Variants in CNTN4 observed in about 807,000 individuals in gnomAD.
The protein encoded by CNTN4 is contactin 4, also known as contactin-4.
A neutral mutation model predicts 122.5 loss-of-function variants in CNTN4; 77 were observed. That is an observed-to-expected ratio of 0.63 (90% confidence interval 0.52 to 0.76). The LOEUF is 0.76. CNTN4 is among the 30% of genes least tolerant of loss of function. CNTN4 has a pLI of 0.00. For synonymous variants in CNTN4, 512 were observed against 447.0 expected (o/e 1.15, Z -1.83); for missense variants, 1,256 against 1,259.1 (o/e 1.00, Z 0.04).
chr3:2,212,476 C>T (rs930993075), intron 2 of CNTN4, among the ~76,000 whole-genome samples: 5 of 152,122 alleles, frequency 3.3e-5, no homozygotes, highest in African/African-American at 1.2e-4. Context: ...TCTTACATGA[C>T]ACCGGGCAAG....
At chr3:2,480,097 AAGAAT>A (rs2075947908) in intron 3 of CNTN4, among the ~76,000 whole-genome samples, 1 of 151,948 alleles carries the variant, frequency 6.6e-6, no homozygotes, top group Non-Finnish European at 1.5e-5. Flanking sequence ...TCTGCAAACT[AAGAAT>A]AGAGAAGCGC....
At chr3:2,372,424 A>T (rs1275375122) in intron 3 of CNTN4, among the ~76,000 whole-genome samples, 1 of 152,244 alleles carries the variant, frequency 6.6e-6, no homozygotes, top group Non-Finnish European at 1.5e-5. Context: ...TGTTTACCAT[A>T]GGATGTGACA....
chr3:2,630,621 A>G (rs892608072), intron 4 of CNTN4, among the ~76,000 whole-genome samples: 2 of 152,090 alleles, frequency 1.3e-5, no homozygotes, highest in Non-Finnish European at 2.9e-5. Flanking sequence ...ATAACTTAAT[A>G]TTGTTAAATC....
intron 2 of CNTN4, among the ~76,000 whole-genome samples, chr3:2,105,073 C>T (rs1253431431): frequency 6.6e-6 from 1 of 152,118 alleles, no homozygotes; most frequent in Non-Finnish European, 1.5e-5. Flanking sequence ...CAGTGAGAAC[C>T]ACTGCAGTGA....
At chr3:2,811,761 T>G (rs1576888202) in intron 6 of CNTN4, among the ~76,000 whole-genome samples, 1 of 151,924 alleles carries the variant, frequency 6.6e-6, no homozygotes, top group African/African-American at 2.4e-5. Flanking sequence ...GCCTCCCAGG[T>G]TCAAGCAATT....
chr3:2,452,467 A>C lies in CNTN4; in HGVS notation c.-89+113234A>C, dbSNP rs925994433. ...TATTTGGGAAGGGACTTAGTCTGGC[A>C]TGATTAGAGCCTAGTAATTACAAAA... On this transcript the variant is annotated intron_variant, in intron 3 of 24. Transcript: ENST00000418658. Among the ~76,000 whole-genome samples, 3 of 152,266 alleles carry C rather than the reference A, an allele frequency of 2.0e-5. No homozygotes were observed. In the East Asian group the frequency reaches 5.8e-4, roughly 29 times the overall value.
At chr3:2,605,155 C>T (rs1401431836) in intron 4 of CNTN4, among the ~76,000 whole-genome samples, 1 of 152,210 alleles carries the variant, frequency 6.6e-6, no homozygotes, top group Admixed American at 6.5e-5. Flanking sequence ...CAGGCATGCA[C>T]ACCATGCCTG....
At chr3:2,529,636 A>T (rs74533879) in intron 3 of CNTN4, among the ~76,000 whole-genome samples, 4,244 of 152,276 alleles carry the variant, frequency 0.028, 95 homozygotes, top group Non-Finnish European at 0.039. Flanking sequence ...GAGAGGAGAC[A>T]TTGTTGGTTT....
intron 6 of CNTN4, among the ~76,000 whole-genome samples, chr3:2,813,508 T>C (rs2092660564): frequency 6.6e-6 from 1 of 152,224 alleles, no homozygotes; most frequent in Non-Finnish European, 1.5e-5. Flanking sequence ...TCTCTGTGGA[T>C]TCTTAACAAA....
In CNTN4 at chr3:2,204,918, T is replaced by A. The variant is rs2038270973; in HGVS notation, c.-145+104279T>A. On this transcript the variant is annotated intron_variant, in intron 2 of 24. Coordinates refer to ENST00000418658, the MANE Select transcript of CNTN4 (RefSeq NM_175607.3). ...ATGTCTCATAATTATCAGTACAGAATCCTATGAAATCTAATGCTTACTTTG... is the reference window on the plus strand; with the variant it reads ...ATGTCTCATAATTATCAGTACAGAAACCTATGAAATCTAATGCTTACTTTG... 2.0e-5 allele frequency among the ~76,000 whole-genome samples: 3 copies of A among 152,310 alleles called. No homozygotes were observed. The East Asian group carries it at 5.8e-4, about 29-fold the overall frequency.
chr3:2,678,659 C>T (rs889655146), intron 4 of CNTN4, among the ~76,000 whole-genome samples: 2 of 152,168 alleles, frequency 1.3e-5, no homozygotes, highest in Non-Finnish European at 2.9e-5. Context: ...TAGGATTCCT[C>T]AGGCCATCTT....
intron 4 of CNTN4, among the ~76,000 whole-genome samples, chr3:2,622,247 G>T (rs1410933560): frequency 2.0e-5 from 3 of 152,132 alleles, no homozygotes; most frequent in African/African-American, 7.2e-5. Flanking sequence ...CCAGATGAAA[G>T]TCCAGCTGAA....
chr3:2,129,264 C>CAAAAAA (rs11390812), intron 2 of CNTN4, among the ~76,000 whole-genome samples: 1 of 63,842 alleles, frequency 1.6e-5, no homozygotes, highest in African/African-American at 5.6e-5. Flanking sequence ...TCCAAACCTG[C>CAAAAAA]AAAAAAAAAA....
intron 4 of CNTN4, among the ~76,000 whole-genome samples, chr3:2,587,089 A>T (rs550787536): frequency 1.3e-5 from 2 of 152,350 alleles, no homozygotes; most frequent in South Asian, 4.1e-4. Context: ...ATGTTTGTTT[A>T]AAATTCACTA....
intron 4 of CNTN4, among the ~76,000 whole-genome samples, chr3:2,600,569 A>G (rs530521444): frequency 2.0e-5 from 3 of 152,186 alleles, no homozygotes; most frequent in African/African-American, 4.8e-5. Flanking sequence ...CATGGTGTCT[A>G]TGTGCCACAT....
At chr3:2,395,010 G>C (rs1254161082) in intron 3 of CNTN4, among the ~76,000 whole-genome samples, 1 of 151,950 alleles carries the variant, frequency 6.6e-6, no homozygotes, top group East Asian at 1.9e-4. Context: ...TGGTCTTGAA[G>C]TGCTGGCCTC....
chr3:2,133,082 C>T lies in CNTN4; in HGVS notation c.-145+32443C>T, dbSNP rs143455713. Among the ~76,000 whole-genome samples, 631 of 152,140 alleles carry T rather than the reference C, an allele frequency of 4.1e-3. 2 individuals carry two copies. Among genetic ancestry groups the T allele is most frequent in the African/African-American group, 0.015 (602 of 41,498 alleles). On this transcript the variant is annotated intron_variant, in intron 2 of 24. Coordinates refer to ENST00000418658, the MANE Select transcript of CNTN4 (RefSeq NM_175607.3). Reference sequence around the variant, plus strand: ...AGGACTTGATATTAGGACACCAGAGCAATCAGTAGTAGGTTGGATAGGAGG... The same window carrying T: ...AGGACTTGATATTAGGACACCAGAGTAATCAGTAGTAGGTTGGATAGGAGG...
At chr3:2,186,056 G>A (rs1052878231) in intron 2 of CNTN4, among the ~76,000 whole-genome samples, 13 of 152,028 alleles carry the variant, frequency 8.6e-5, no homozygotes, top group Non-Finnish European at 1.8e-4. Context: ...CGTTAGGTAT[G>A]TCTTCTAATG....
chr3:2,893,723 T>C (rs192158893), intron 10 of CNTN4, among the ~76,000 whole-genome samples: 6 of 152,340 alleles, frequency 3.9e-5, no homozygotes, highest in African/African-American at 1.4e-4. Context: ...CATCTCACTC[T>C]ATAGTCCCAG....
Sources: gnomAD v4.1 joint callset for allele counts (sites outside exome capture counted in the v4.1 genomes callset) on GRCh38, gnomAD v4.1.1 for gene constraint, MANE v1.5 for transcripts, NCBI Gene and HGNC (gene_info 2026-07-23, HGNC 2026-07-21) for gene names.